The following KIAA0753 variants were observed in gnomAD, a reference collection of about 807,000 sequenced individuals.
KIAA0753 encodes KIAA0753.
KIAA0753 carries 114 observed loss-of-function variants against 116.9 expected under a neutral mutation model. The ratio of observed to expected loss-of-function variants is 0.98; its 90% CI spans 0.84 to 1.14. KIAA0753 has a LOEUF of 1.14. KIAA0753 is among the 50% of genes most tolerant of loss of function. The pLI, the probability that KIAA0753 is intolerant of heterozygous loss-of-function variation, is 0.00. For synonymous variants in KIAA0753, 405 were observed against 413.1 expected, an observed-to-expected ratio of 0.98 and a Z score of 0.24; for missense variants, 1,156 against 1,172.4, an observed-to-expected ratio of 0.99 and a Z score of 0.20.
At chr17:6,638,869 G>A (rs1287746548) in intron 1 of KIAA0753, 2 of 153,256 alleles carry the variant, frequency 1.3e-5, no homozygotes, top group African/African-American at 4.8e-5. Flanking sequence ...TACCCCTGTA[G>A]CCTGTTGTAT....
At chr17:6,587,427 C>T (rs1968661210) in intron 18 of KIAA0753, among the ~76,000 whole-genome samples, 1 of 152,110 alleles carries the variant, frequency 6.6e-6, no homozygotes, top group Non-Finnish European at 1.5e-5. Context: ...CCTACATCCA[C>T]CTAACAACTG....
intron 2 of KIAA0753, among the ~76,000 whole-genome samples, chr17:6,634,160 T>C (rs1308961996): frequency 1.3e-5 from 2 of 150,580 alleles, no homozygotes; most frequent in Non-Finnish European, 2.9e-5. Context: ...TGGAGTGCAG[T>C]GGCACAATCT....
At chr17:6,594,706 T>C (rs1049829211) in intron 16 of KIAA0753, among the ~76,000 whole-genome samples, 1 of 152,182 alleles carries the variant, frequency 6.6e-6, no homozygotes, top group Non-Finnish European at 1.5e-5. Context: ...GAGCCATAAG[T>C]AAATATTAAA....
At chr17:6,624,098 G>A (rs1197936003) in intron 4 of KIAA0753, 4 of 152,368 alleles carry the variant, frequency 2.6e-5, no homozygotes, top group South Asian at 2.1e-4. Context: ...AAGCAATAAA[G>A]GCTAACATGT....
chr17:6,593,646 G>A (rs1307447104), intron 16 of KIAA0753, among the ~76,000 whole-genome samples: 1 of 152,322 alleles, frequency 6.6e-6, no homozygotes, highest in Non-Finnish European at 1.5e-5. Flanking sequence ...CCAGCACTGT[G>A]GGAGGCCGAG....
At position 6,619,403 on chromosome 17, in the gene KIAA0753, T is replaced by C. The variant is rs147413123; in HGVS notation, c.1315+1385A>G. Reference sequence around the variant, plus strand: ...TTAATTCAGCTATAAATCTATATTATTTTGTGTACTTTTCTATCTGTAAGT... The same window carrying C: ...TTAATTCAGCTATAAATCTATATTACTTTGTGTACTTTTCTATCTGTAAGT... On this transcript the variant is annotated intron_variant, in intron 7 of 18. Transcript: ENST00000361413. Among the ~76,000 whole-genome samples, 54 of 152,268 alleles carry C rather than the reference T, an allele frequency of 3.5e-4. 2 individuals carry two copies. The highest frequency in any genetic ancestry group is 1.3e-3 in the African/African-American group (52 of 41,548).
intron 6 of KIAA0753, among the ~76,000 whole-genome samples, chr17:6,621,556 C>T (rs1451821181): frequency 2.6e-5 from 4 of 152,186 alleles, no homozygotes; most frequent in African/African-American, 9.7e-5. Context: ...TTAAGGACAA[C>T]TGAACACGGT....
chr17:6,597,210 G>A (rs1349006992), intron 14 of KIAA0753, among the ~76,000 whole-genome samples: 8 of 152,046 alleles, frequency 5.3e-5, no homozygotes, highest in African/African-American at 1.7e-4. Flanking sequence ...TTACAGCTAC[G>A]GCAATTTAAG....
intron 18 of KIAA0753, among the ~76,000 whole-genome samples, chr17:6,581,746 T>C (rs1968195003): frequency 6.6e-6 from 1 of 152,274 alleles, no homozygotes; most frequent in Non-Finnish European, 1.5e-5. Flanking sequence ...TCCATTACTA[T>C]TATTACATAT....
At position 6,628,565 on chromosome 17, in the gene KIAA0753, G is replaced by A. The variant is rs760590449; in HGVS notation, c.270C>T (p.Ser90=). Residue 90 remains serine (S), a synonymous_variant, in exon 3 of 19, where the codon TCC becomes TCT. Transcript: ENST00000361413. The part of the protein sequence containing the change: ...GPDLGSSVSF[S]VISQERLSYA... ...AGCTAAGTCTCTCTTGGGATATGAC[G>A]GAAAATGAAACAGAACTGCCCAGGT... 4.8e-5 allele frequency: 77 copies of A among 1,613,984 alleles called. No homozygotes were observed. The highest frequency in any genetic ancestry group is 1.6e-4 in the Middle Eastern group (1 of 6,084).
At chr17:6,618,050 C>CA (rs1361133189) in intron 7 of KIAA0753, among the ~76,000 whole-genome samples, 1 of 151,834 alleles carries the variant, frequency 6.6e-6, no homozygotes, top group Non-Finnish European at 1.5e-5. Flanking sequence ...TGCAGTGAGC[C>CA]AAGATCACGC....
chr17:6,585,386 C>T (rs1192633938), intron 18 of KIAA0753, among the ~76,000 whole-genome samples: 1 of 152,114 alleles, frequency 6.6e-6, no homozygotes, highest in African/African-American at 2.4e-5. Context: ...CACAAGTAGA[C>T]AACTGATGAA....
At chr17:6,617,028 C>G (rs59471760) in intron 7 of KIAA0753, among the ~76,000 whole-genome samples, 24 of 152,242 alleles carry the variant, frequency 1.6e-4, no homozygotes, top group African/African-American at 5.8e-4. Context: ...TTTCACTAGT[C>G]AGCTGATGGG....
chr17:6,609,859 CA>C (rs2056489094), intron 9 of KIAA0753, 134 bp downstream of exon 9: 3 of 971,158 alleles, frequency 3.1e-6, no homozygotes, highest in African/African-American at 1.6e-5. Flanking sequence ...ATGACTCACC[CA>C]AAAAAGGATT....
At chr17:6,634,262 C>A (rs1412321676) in intron 2 of KIAA0753, among the ~76,000 whole-genome samples, 2 of 151,984 alleles carry the variant, frequency 1.3e-5, no homozygotes, top group African/African-American at 4.8e-5. Flanking sequence ...ACCACCACGC[C>A]CAGCTAATTT....
At chr17:6,591,056 GAAGAAGAA>G (rs1567540736) in intron 16 of KIAA0753, among the ~76,000 whole-genome samples, 2,097 of 92,452 alleles carry the variant, frequency 0.023, 92 homozygotes, top group African/African-American at 0.065. Context: ...AGAAGAAGAA[GAAGAAGAA>G]GAAGAAGAAG....
At chr17:6,601,920 G>C (rs1426818961) in intron 12 of KIAA0753, among the ~76,000 whole-genome samples, 1 of 152,132 alleles carries the variant, frequency 6.6e-6, no homozygotes, top group African/African-American at 2.4e-5. Context: ...CTGGCAAGGG[G>C]CTCATATCCA....
At position 6,600,393 on chromosome 17, in the gene KIAA0753, A is replaced by G. The variant is rs756792064; in HGVS notation, c.2075T>C (p.Leu692Ser). 23 of 1,613,826 alleles carry G rather than the reference A, an allele frequency of 1.4e-5. No individual in the cohort carries two copies. Among genetic ancestry groups the G allele is most frequent in the Non-Finnish European group, 1.9e-5 (23 of 1,179,718 alleles). Residue 692 changes from leucine (L) to serine (S), a missense_variant, in exon 13 of 19, where the codon TTG becomes TCG. Transcript: ENST00000361413. The part of the protein sequence containing the change: ...EAVLDRLKPL[L>S]VKAQRVNSTT... ...TAGATAGATTACCTGGGCCTTGACC[A>G]AGAGAGGCTTCAAACGATCCAGAAC...
chr17:6,600,510 T>C lies in KIAA0753; in HGVS notation c.2010-52A>G, dbSNP rs764712657. The C allele has an allele frequency of 1.1e-5, 15 of 1,425,378 alleles. No individual in the cohort carries two copies. In the African/African-American group the frequency reaches 1.7e-4, roughly 16 times the overall value. 88.3% of individuals were successfully genotyped at this position (1,425,378 alleles called of 1,614,324 possible). A position where few individuals can be genotyped will look rare whatever the true frequency, so the allele number is the denominator to read the frequency against. On this transcript the variant is annotated intron_variant, in intron 12 of 18. Transcript: ENST00000361413. ...AAATCAAAGGCAATAAAATATCCTA[T>C]TTTGCATATTTATTTGCCACTCCAG...
Sources: gnomAD v4.1 joint callset for allele counts (sites outside exome capture counted in the v4.1 genomes callset) on GRCh38, gnomAD v4.1.1 for gene constraint, MANE v1.5 for transcripts, NCBI Gene and HGNC (gene_info 2026-07-23, HGNC 2026-07-21) for gene names.